The following BDNF variants were observed in gnomAD, a reference collection of about 807,000 sequenced individuals.
BDNF encodes neurotrophic factor BDNF precursor form.
BDNF carries 1 observed loss-of-function variant against 19.5 expected under a neutral mutation model. The ratio of observed to expected loss-of-function variants is 0.05; its 90% CI spans 0.02 to 0.24. The LOEUF is 0.24. Among genes scored for constraint, BDNF ranks in the 10% least tolerant of loss-of-function variants. The probability of loss-of-function intolerance (pLI) is 1.00; values close to 1 mark genes in which losing one functional copy is unlikely to be tolerated. For missense variants in BDNF, 195 were observed against 317.6 expected (o/e 0.61, Z 2.93); for synonymous variants, 100 against 121.6 (o/e 0.82, Z 1.17).
At chr11:27,706,192 G>A (rs983162429) in intron 1 of BDNF, among the ~76,000 whole-genome samples, 2 of 152,200 alleles carry the variant, frequency 1.3e-5, no homozygotes, top group African/African-American at 4.8e-5. Flanking sequence ...GTAGACAAAA[G>A]AGAAGGAGTG....
intron 1 of BDNF, among the ~76,000 whole-genome samples, chr11:27,714,487 C>T (rs1452184555): frequency 1.3e-5 from 2 of 152,104 alleles, no homozygotes; most frequent in Non-Finnish European, 2.9e-5. Flanking sequence ...TCCATCGCAC[C>T]ACCTGCTTTT....
At chr11:27,698,591 C>G (rs6484326) in intron 1 of BDNF, among the ~76,000 whole-genome samples, 151,795 of 152,326 alleles carry the variant, frequency 1, 75,634 homozygotes, top group Middle Eastern at 1. Context: ...TAGATTTTTC[C>G]ATAATAATAA....
chr11:27,681,916 A>G (rs182483816), intron 1 of BDNF, among the ~76,000 whole-genome samples: 5 of 152,300 alleles, frequency 3.3e-5, no homozygotes, highest in African/African-American at 1.2e-4. Context: ...TAGACCTAGT[A>G]AGTGTTAGGC....
intron 1 of BDNF, among the ~76,000 whole-genome samples, chr11:27,693,687 A>G (rs1858604169): frequency 6.6e-6 from 1 of 152,212 alleles, no homozygotes; most frequent in East Asian, 1.9e-4. Flanking sequence ...CAGATTCTAC[A>G]TGATGTAAAA....
chr11:27,705,929 A>G (rs999351450), intron 1 of BDNF, among the ~76,000 whole-genome samples: 6 of 152,250 alleles, frequency 3.9e-5, no homozygotes, highest in Non-Finnish European at 2.9e-5. Context: ...ATTCTAGGAC[A>G]TAAGAGTTGT....
intron 1 of BDNF, among the ~76,000 whole-genome samples, chr11:27,661,071 A>C (rs1338357812): frequency 6.6e-6 from 1 of 152,254 alleles, no homozygotes; most frequent in Non-Finnish European, 1.5e-5. Flanking sequence ...GAAAATTGGC[A>C]TCTGAGTAAA....
intron 1 of BDNF, among the ~76,000 whole-genome samples, chr11:27,665,905 C>T (rs942842571): frequency 2.0e-5 from 3 of 152,196 alleles, no homozygotes; most frequent in African/African-American, 7.2e-5. Context: ...TGTCTGACAG[C>T]TTTGAAAAGA....
chr11:27,674,181 A>G, intron 1 of BDNF: 1 of 1,609,012 alleles, frequency 6.2e-7, no homozygotes, highest in South Asian at 1.1e-5. Flanking sequence ...GTAGACGCCA[A>G]AACATGTGTG....
In BDNF at chr11:27,658,148, G is replaced by A. The variant is rs760274076; in HGVS notation, c.417C>T (p.Ser139=). 2.2e-5 allele frequency: 35 copies of A among 1,613,940 alleles called. No homozygotes were observed. Among genetic ancestry groups the A allele is most frequent in the African/African-American group, 1.2e-4 (9 of 74,878 alleles). ...HSDPARRGEL[S]VCDSISEWVT... is the part of the protein sequence containing the mutation. ...CCCACTCACTAATACTGTCACACAC[G>A]CTCAGCTCCCCTCGGCGGGCAGGGT... Residue 139 remains serine, a synonymous_variant, in exon 2 of 2, where the codon AGC becomes AGT. Transcript: ENST00000356660. The surrounding 1 kb of genome is among the most constrained non-coding windows in gnomAD (Gnocchi z 5.7).
chr11:27,721,305 G>A, intron 1 of BDNF: 1 of 1,291,402 alleles, frequency 7.7e-7, no homozygotes, highest in Non-Finnish European at 1.1e-6. Context: ...GGCCTGAGTA[G>A]CTGCTGTTCT....
chr11:27,721,494 T>C, exon 1 of BDNF: 21 of 1,525,600 alleles, frequency 1.4e-5, no homozygotes, highest in Non-Finnish European at 1.8e-5. Flanking sequence ...TGTGTCTTGT[T>C]TGAAGTCATC....
chr11:27,688,144 G>A (rs1016768645), intron 1 of BDNF, among the ~76,000 whole-genome samples: 1 of 152,162 alleles, frequency 6.6e-6, no homozygotes, highest in Admixed American at 6.5e-5. Context: ...CTGGCTACAG[G>A]GGCTTTGCTG....
At chr11:27,682,097 C>G (rs906028826) in intron 1 of BDNF, among the ~76,000 whole-genome samples, 2 of 152,162 alleles carry the variant, frequency 1.3e-5, no homozygotes, top group African/African-American at 4.8e-5. Context: ...CAAATCCCTT[C>G]TAGCCACGCT....
intron 1 of BDNF, among the ~76,000 whole-genome samples, chr11:27,679,856 T>C (rs780195635): frequency 6.6e-6 from 1 of 152,226 alleles, no homozygotes; most frequent in Non-Finnish European, 1.5e-5. Flanking sequence ...CCAGCTGTGT[T>C]TCTGTCATTC....
chr11:27,708,745 T>C (rs1161079604), intron 1 of BDNF, among the ~76,000 whole-genome samples: 1 of 150,694 alleles, frequency 6.6e-6, no homozygotes, highest in East Asian at 1.9e-4. Flanking sequence ...GTTTTAAAAA[T>C]AAAAATTTTA....
chr11:27,671,297 A>G (rs1855341443), intron 1 of BDNF, among the ~76,000 whole-genome samples: 1 of 147,810 alleles, frequency 6.8e-6, no homozygotes, highest in East Asian at 2.0e-4. Flanking sequence ...CCTAGAACTT[A>G]AAGTATAATT....
At chr11:27,660,465 G>A (rs748194649) in intron 1 of BDNF, among the ~76,000 whole-genome samples, 27 of 152,126 alleles carry the variant, frequency 1.8e-4, no homozygotes, top group Non-Finnish European at 3.7e-4. Context: ...CAAAGAAATA[G>A]ATCGTCCATG....
At chr11:27,682,950 T>C (rs1258110397) in intron 1 of BDNF, among the ~76,000 whole-genome samples, 5 of 152,210 alleles carry the variant, frequency 3.3e-5, no homozygotes, top group Non-Finnish European at 7.3e-5. Flanking sequence ...GGTCAAAAGA[T>C]ATTTCTGGTT....
intron 1 of BDNF, among the ~76,000 whole-genome samples, chr11:27,660,633 T>C (rs1853311865): frequency 6.6e-6 from 1 of 152,170 alleles, no homozygotes; most frequent in South Asian, 2.1e-4. Flanking sequence ...ATCACACTGG[T>C]AGAGACTTTC....
Sources: gnomAD v4.1 joint callset for allele counts (sites outside exome capture counted in the v4.1 genomes callset) on GRCh38, gnomAD v4.1.1 for gene constraint, Gnocchi (gnomAD v3.1) non-coding constraint, MANE v1.5 for transcripts, NCBI Gene and HGNC (gene_info 2026-07-23, HGNC 2026-07-21) for gene names.